Variants in LUC7L2 observed in about 807,000 individuals in gnomAD.
LUC7L2 encodes the protein putative RNA-binding protein Luc7-like 2.
Under a neutral mutation model 52.8 loss-of-function variants are expected in LUC7L2, and 25 were observed. The observed-to-expected ratio is 0.47, with a 90% CI of 0.34 to 0.66. The LOEUF is 0.66. LUC7L2 is among the 30% of genes least tolerant of loss of function. LUC7L2 has a pLI of 0.01. For missense variants in LUC7L2, 328 were observed against 497.8 expected, an observed-to-expected ratio of 0.66 and a Z score of 3.25; for synonymous variants, 144 against 160.9, an observed-to-expected ratio of 0.89 and a Z score of 0.80.
chr7:139,409,583 G>A lies in LUC7L2; in HGVS notation c.708G>A (p.Gln236=). ...TTAAGAGAGTCGTAGCTGAGAAGCA[G>A]GAGAAAAGAAACCAGGAACGGCTGA... ...EELKRVVAEK[Q]EKRNQERLKR... Residue 236 remains glutamine, a synonymous_variant, in exon 7 of 10, where the codon CAG becomes CAA. Transcript: ENST00000354926. The A allele has an allele frequency of 6.2e-7, 1 of 1,610,492 alleles. No individual in the cohort carries two copies. The highest frequency in any genetic ancestry group is 8.5e-7 in the Non-Finnish European group (1 of 1,178,068).
At chr7:139,387,204 T>C (rs1359911875) in intron 2 of LUC7L2, among the ~76,000 whole-genome samples, 1 of 152,056 alleles carries the variant, frequency 6.6e-6, no homozygotes, top group Non-Finnish European at 1.5e-5. Flanking sequence ...AATAAAGATA[T>C]GTGTTGATTT....
Position 139,422,975 on chromosome 7 carries a change from T to C in LUC7L2, c.*635T>C. 2.5e-6 allele frequency: 1 copy of C among 399,030 alleles called. No homozygotes were observed. The highest frequency in any genetic ancestry group is 4.4e-6 in the Non-Finnish European group (1 of 226,064). 24.7% of individuals were successfully genotyped at this position (399,030 alleles called of 1,614,324 possible). On this transcript the variant is annotated 3_prime_UTR_variant, in exon 10 of 10. Transcript: ENST00000354926. The stretch of plus-strand genomic sequence containing the variant: ...TACTTTTGCTTTTTTATTGAAATTT[T>C]GAAATCAAACGTCTTGATTTTTCTG...
intron 1 of LUC7L2, among the ~76,000 whole-genome samples, chr7:139,362,712 C>T (rs1252874758): frequency 6.6e-6 from 1 of 151,376 alleles, no homozygotes; most frequent in African/African-American, 2.4e-5. Context: ...ACCCCCTCCA[C>T]TCTTAGTGTC....
At chr7:139,386,549 C>T (rs780490602) in intron 2 of LUC7L2, among the ~76,000 whole-genome samples, 11 of 151,680 alleles carry the variant, frequency 7.3e-5, no homozygotes, top group East Asian at 3.9e-4. Flanking sequence ...GGACTACAGG[C>T]GCCTGCCACC....
At chr7:139,406,036 G>A (rs1466399278) in intron 5 of LUC7L2, among the ~76,000 whole-genome samples, 1 of 152,088 alleles carries the variant, frequency 6.6e-6, no homozygotes, top group East Asian at 1.9e-4. Context: ...CTTGAGTCCA[G>A]TTCAAGTCCA....
chr7:139,340,853 A>AGT (rs1330552337), intron 1 of LUC7L2, among the ~76,000 whole-genome samples: 3 of 151,564 alleles, frequency 2.0e-5, no homozygotes, highest in Admixed American at 1.3e-4. Context: ...TTAAATGGGA[A>AGT]GTGTGTGTGT....
chr7:139,410,133 G>A (rs571712211), intron 7 of LUC7L2, among the ~76,000 whole-genome samples: 2 of 151,980 alleles, frequency 1.3e-5, no homozygotes, highest in African/African-American at 2.4e-5. Context: ...CGTGAACCTG[G>A]GGGGGCAGAG....
chr7:139,379,670 G>T (rs530484747), intron 2 of LUC7L2, among the ~76,000 whole-genome samples: 16 of 139,058 alleles, frequency 1.2e-4, no homozygotes, highest in Non-Finnish European at 2.3e-4. Context: ...CCAGGTTCAA[G>T]TGATTCTGCC....
intron 1 of LUC7L2, chr7:139,375,475 G>A (rs1800662659): frequency 5.1e-6 from 5 of 985,346 alleles, no homozygotes; most frequent in Non-Finnish European, 6.0e-6. Context: ...GCTCTTAAAC[G>A]CGTTATTCTA....
In LUC7L2 at chr7:139,363,033, A is replaced by T. The variant is rs995530582; in HGVS notation, c.61+2711A>T. ...AAGGACATTCCTGGGTGAGTGGTGG[A>T]AGTTGGGGGCTTTAGACAATCTGAG... On this transcript the variant is annotated intron_variant, in intron 1 of 9. Coordinates refer to ENST00000354926, the MANE Select transcript of LUC7L2 (RefSeq NM_016019.5). 5 of 157,104 alleles carry T rather than the reference A, an allele frequency of 3.2e-5. No individual in the cohort carries two copies. The Admixed American group carries it at 3.3e-4, about 10-fold the overall frequency. The allele number at this position is 157,104 out of a possible 1,614,324, so 9.7% of individuals were successfully genotyped here.
intron 1 of LUC7L2, chr7:139,340,693 T>A: frequency 2.5e-6 from 1 of 392,892 alleles, no homozygotes; most frequent in Non-Finnish European, 4.5e-6. Context: ...GCGCGTCGTT[T>A]GCAGAAGCCC....
chr7:139,369,576 A>G (rs1800337010), intron 1 of LUC7L2, among the ~76,000 whole-genome samples: 1 of 152,152 alleles, frequency 6.6e-6, no homozygotes, highest in Non-Finnish European at 1.5e-5. Context: ...CATCATCACC[A>G]TTCTGGTTAG....
intron 4 of LUC7L2, among the ~76,000 whole-genome samples, chr7:139,404,664 G>A (rs1795044607): frequency 1.3e-5 from 2 of 152,202 alleles, no homozygotes; most frequent in Admixed American, 6.5e-5. Flanking sequence ...GATGATGATG[G>A]TGATGAGGAA....
intron 9 of LUC7L2, among the ~76,000 whole-genome samples, chr7:139,421,045 C>T (rs1795881864): frequency 6.6e-6 from 1 of 152,194 alleles, no homozygotes; most frequent in African/African-American, 2.4e-5. Context: ...AAGTGATCTG[C>T]CTGCCTTGGC....
rs899088625 is a variant in LUC7L2 at position 139,417,703 on chromosome 7, T to G, written c.975T>G (p.Asp325Glu). The change falls in exon 9 of 10, where the codon GAT becomes GAG. Residue 325 changes from aspartate to glutamate, a missense_variant. Coordinates refer to ENST00000354926, the MANE Select transcript of LUC7L2 (RefSeq NM_016019.5). The part of the protein sequence containing the change: ...SHQRSRHSSR[D>E]RSRERSKRRS... ...AGAGAAGTCGGCACAGTTCTAGAGA[T>G]AGGAGCAGAGAACGATCCAAGAGGA... The G allele has an allele frequency of 6.2e-7, 1 of 1,613,992 alleles. No homozygotes were observed. The highest frequency in any genetic ancestry group is 1.7e-5 in the Admixed American group (1 of 59,986).
chr7:139,363,297 A>G (rs1217733258), intron 1 of LUC7L2: 38 of 945,894 alleles, frequency 4.0e-5, no homozygotes, highest in African/African-American at 5.3e-5. Flanking sequence ...TAAAGTTTGT[A>G]TATGTGAATC....
intron 2 of LUC7L2, among the ~76,000 whole-genome samples, chr7:139,392,912 A>C (rs7789620): frequency 0.39 from 58,384 of 151,534 alleles, 15,714 homozygotes; most frequent in African/African-American, 0.77. Flanking sequence ...CCTCGGCCTC[A>C]CAAAGTGCTG....
intron 8 of LUC7L2, 193 bp from the exon 9 acceptor site, chr7:139,417,345 A>G: frequency 1.4e-6 from 1 of 730,488 alleles, no homozygotes. Context: ...CTGGCTGAGA[A>G]TTATTAATGT....
intron 9 of LUC7L2, among the ~76,000 whole-genome samples, chr7:139,419,994 T>C (rs554582568): frequency 4.6e-5 from 7 of 152,318 alleles, no homozygotes; most frequent in Admixed American, 3.3e-4. Context: ...TAAAAGTTCT[T>C]ATTGAAAGCC....
Sources: allele counts gnomAD v4.1 joint callset (sites outside exome capture counted in the v4.1 genomes callset), GRCh38; gene constraint gnomAD v4.1.1; transcripts MANE v1.5; gene names NCBI Gene and HGNC (gene_info 2026-07-23, HGNC 2026-07-21).